MEP1B: variants seen among roughly 807,000 people sequenced by gnomAD.
MEP1B encodes meprin A subunit beta.
Under a neutral mutation model 84.6 loss-of-function variants are expected in MEP1B, and 80 were observed. That is an observed-to-expected ratio of 0.95 (90% confidence interval 0.79 to 1.14). The LOEUF is 1.14. MEP1B is among the 50% of genes most tolerant of loss of function. The probability of loss-of-function intolerance (pLI) is 0.00; values close to 1 mark genes in which losing one functional copy is unlikely to be tolerated. For synonymous variants in MEP1B, 273 were observed against 288.1 expected (o/e 0.95, Z 0.53); for missense variants, 766 against 855.1 (o/e 0.90, Z 1.30).
At chr18:32,214,232 A>T (rs901019677) in intron 11 of MEP1B, among the ~76,000 whole-genome samples, 3 of 152,192 alleles carry the variant, frequency 2.0e-5, no homozygotes, top group African/African-American at 7.2e-5. Flanking sequence ...GCTAATCATG[A>T]CATCATTCCC....
At chr18:32,192,013 T>A (rs915882708) in intron 2 of MEP1B, among the ~76,000 whole-genome samples, 173 bp downstream of exon 2, 3 of 152,066 alleles carry the variant, frequency 2.0e-5, no homozygotes, top group Non-Finnish European at 4.4e-5. Context: ...GTTCCAGGCT[T>A]CATATGCCCA....
chr18:32,216,859 T>G, intron 12 of MEP1B, 132 bp from the exon 13 acceptor site: 1 of 1,075,020 alleles, frequency 9.3e-7, no homozygotes, highest in Non-Finnish European at 1.3e-6. Context: ...CATTGCAAGA[T>G]CTCACCTCTA....
intron 9 of MEP1B, among the ~76,000 whole-genome samples, chr18:32,209,466 AAC>A (rs958305914): frequency 1.5e-4 from 22 of 150,846 alleles, no homozygotes; most frequent in African/African-American, 4.7e-4. Context: ...CAGCCTGGAC[AAC>A]AGAGTAAGAC....
rs1165527937 is a variant in MEP1B, at chr18:32,210,504, C to T, written c.923C>T (p.Ser308Phe). 1.9e-6 allele frequency: 3 copies of T among 1,613,240 alleles called. No homozygotes were observed. Among genetic ancestry groups the T allele is most frequent in the African/African-American group, 1.3e-5 (1 of 74,872 alleles). ...DHSNMGQCQG[S>F]GFFMHFDSSS... ...CAATTCTGCTTTTCTTTAACAGGTT[C>T]TGGTTTCTTCATGCATTTCGATAGC... The change falls in exon 10 of 15, where the codon TCT becomes TTT. Residue 308 changes from serine to phenylalanine, a missense_variant. Coordinates refer to ENST00000269202, the MANE Select transcript of MEP1B (RefSeq NM_005925.3).
At chr18:32,220,119 G>C in intron 14 of MEP1B, 112 bp from the exon 15 acceptor site, 1 of 993,338 alleles carries the variant, frequency 1.0e-6, no homozygotes, top group Non-Finnish European at 1.5e-6. Flanking sequence ...GGGAGGCCAG[G>C]AGACTGCTGA....
At chr18:32,199,664 G>GTTCCTTCC (rs1274003921) in intron 5 of MEP1B, among the ~76,000 whole-genome samples, 12 of 91,148 alleles carry the variant, frequency 1.3e-4, no homozygotes, top group East Asian at 3.9e-4. Context: ...TTTTCCTTTC[G>GTTCCTTCC]TTCGTTCCTT....
At chr18:32,214,937 T>C (rs2041066657) in intron 11 of MEP1B, 145 bp from the exon 12 acceptor site, 1 of 621,792 alleles carries the variant, frequency 1.6e-6, no homozygotes, top group African/African-American at 1.9e-5. Context: ...CCCAGTGATT[T>C]GCCAGGGAAT....
At chr18:32,214,208 G>C (rs2041059620) in intron 11 of MEP1B, among the ~76,000 whole-genome samples, 1 of 152,140 alleles carries the variant, frequency 6.6e-6, no homozygotes. Context: ...TTAGTAAAAA[G>C]TTACAGAGGA....
chr18:32,220,078 G>C (rs566204830), intron 14 of MEP1B, among the ~76,000 whole-genome samples, 153 bp from the exon 15 acceptor site: 80 of 152,304 alleles, frequency 5.3e-4, no homozygotes, highest in Non-Finnish European at 8.5e-4. Flanking sequence ...TCGAAATGGA[G>C]ACCAGGAGCA....
Position 32,196,562 on chromosome 18 carries a change from G to A in MEP1B, c.250+1077G>A. ...GAGCTTTGGGCCCTTGGTACTTGGT[G>A]CTGACGGCCAGCGCGTTGTCCAGGA... On this transcript the variant is annotated intron_variant, in intron 5 of 14. Coordinates refer to ENST00000269202, the MANE Select transcript of MEP1B (RefSeq NM_005925.3). The surrounding 1 kb of genome is among the most constrained non-coding windows in gnomAD (Gnocchi z 4.4). The A allele has an allele frequency of 1.4e-6, 1 of 707,274 alleles. No individual in the cohort carries two copies. Among genetic ancestry groups the A allele is most frequent in the South Asian group, 1.5e-5 (1 of 68,128 alleles). The allele number at this position is 707,274 out of a possible 1,614,324, so 43.8% of individuals were successfully genotyped here.
chr18:32,203,014 A>C lies in MEP1B; in HGVS notation c.368+4A>C. The C allele has an allele frequency of 6.4e-7, 1 of 1,557,110 alleles. No individual in the cohort carries two copies. The highest frequency in any genetic ancestry group is 8.8e-7 in the Non-Finnish European group (1 of 1,132,284). ...TATCAGTGTTCAAGGGCAGTGGGTA[A>C]GTTGCAGACTTAGTCTTCTAAGGCA... is the stretch of plus-strand genomic sequence containing the variant. On this transcript the variant is annotated splice_donor_region_variant and intron_variant, in intron 6 of 14. Transcript: ENST00000269202.
At chr18:32,217,382 A>G (rs2041102158) in intron 13 of MEP1B, among the ~76,000 whole-genome samples, 1 of 152,150 alleles carries the variant, frequency 6.6e-6, no homozygotes, top group Non-Finnish European at 1.5e-5. Context: ...CAGTCCAGTC[A>G]TTTTAAGTGT....
At position 32,207,396 on chromosome 18, in the gene MEP1B, T is replaced by C. The variant is rs747969055; in HGVS notation, c.692T>C (p.Phe231Ser). ...EPTIVTRISD[F>S]EDVIGQRMDF... The stretch of plus-strand genomic sequence containing the variant: ...ACAATTGTCACAAGAATCTCAGACT[T>C]TGAGGATGTGATCGGCCAACGAATG... Residue 231 changes from phenylalanine (F) to serine (S), a missense_variant, in exon 8 of 15, where the codon TTT (phenylalanine) becomes TCT (serine). Physicochemically the swap from Phe to Ser is radical, Grantham distance 155 (BLOSUM62 -2). Transcript: ENST00000269202. 8 of 1,613,476 alleles carry C rather than the reference T, an allele frequency of 5.0e-6. No homozygotes were observed. The highest frequency in any genetic ancestry group is 5.9e-6 in the Non-Finnish European group (7 of 1,179,694).
intron 4 of MEP1B, among the ~76,000 whole-genome samples, chr18:32,193,859 T>C (rs1281580214): frequency 6.6e-6 from 1 of 152,196 alleles, no homozygotes. Flanking sequence ...GTCCAGGGAT[T>C]CAAATGTCAT....
At chr18:32,198,228 C>A (rs1413857057) in intron 5 of MEP1B, among the ~76,000 whole-genome samples, 1 of 152,190 alleles carries the variant, frequency 6.6e-6, no homozygotes, top group Non-Finnish European at 1.5e-5. Context: ...GTACAACTGA[C>A]ATGACCTCCT....
In MEP1B at chr18:32,197,599, T is replaced by C. The variant is rs140125716; in HGVS notation, c.250+2114T>C. Among the ~76,000 whole-genome samples the C allele has an allele frequency of 7.9e-3, 1,209 of 152,208 alleles. 16 individuals are homozygous for C. The highest frequency in any genetic ancestry group is 0.027 in the African/African-American group (1,133 of 41,526). On this transcript the variant is annotated intron_variant, in intron 5 of 14. Transcript: ENST00000269202. ...CACACCTGGCTAATTTTTGTATTTT[T>C]AGTAGAGATGGGCTTTCACCATGTC...
intron 11 of MEP1B, among the ~76,000 whole-genome samples, chr18:32,214,780 T>C (rs2041065109): frequency 6.6e-6 from 1 of 152,234 alleles, no homozygotes; most frequent in Non-Finnish European, 1.5e-5. Flanking sequence ...TAGGAGGGTT[T>C]CTATACTGGC....
chr18:32,205,818 G>A (rs747317167), intron 7 of MEP1B, among the ~76,000 whole-genome samples: 1 of 152,014 alleles, frequency 6.6e-6, no homozygotes, highest in Non-Finnish European at 1.5e-5. Flanking sequence ...ATATACTTAT[G>A]TGGTACAGTG....
chr18:32,196,203 T>C lies in MEP1B; in HGVS notation c.250+718T>C. ...CCTCGGCTTTCAGACTCTCCAAGTC[T>C]TTTTGGCTGAGAGGAATGAAGAGGA... On this transcript the variant is annotated intron_variant, in intron 5 of 14. Transcript: ENST00000269202. The surrounding 1 kb of genome is among the most constrained non-coding windows in gnomAD (Gnocchi z 4.4). 1.5e-6 allele frequency: 1 copy of C among 664,794 alleles called. No homozygotes were observed. Among genetic ancestry groups the C allele is most frequent in the Non-Finnish European group, 2.8e-6 (1 of 352,348 alleles). 41.2% of individuals were successfully genotyped at this position (664,794 alleles called of 1,614,324 possible). A position where few individuals can be genotyped will look rare whatever the true frequency, so the allele number is the denominator to read the frequency against.
Sources: gnomAD v4.1 joint callset for allele counts (sites outside exome capture counted in the v4.1 genomes callset) on GRCh38, gnomAD v4.1.1 for gene constraint, Gnocchi (gnomAD v3.1) non-coding constraint, MANE v1.5 for transcripts, NCBI Gene and HGNC (gene_info 2026-07-23, HGNC 2026-07-21) for gene names.